The following GPR39 variants were observed in gnomAD, a reference collection of about 807,000 sequenced individuals.
GPR39 encodes zinc sensing receptor.
A neutral mutation model predicts 18.4 loss-of-function variants in GPR39; 23 were observed. The observed-to-expected ratio is 1.25, with a 90% CI of 0.90 to 1.77. The LOEUF is 1.77. Ranked by LOEUF, GPR39 falls within the 40% of genes most tolerant of loss-of-function variation. GPR39 has a pLI of 0.00. For missense variants in GPR39, 647 were observed against 602.4 expected (o/e 1.07, Z -0.78); for synonymous variants, 280 against 257.9 (o/e 1.09, Z -0.82).
At chr2:132,437,674 T>G (rs1486127039) in intron 1 of GPR39, among the ~76,000 whole-genome samples, 1 of 152,198 alleles carries the variant, frequency 6.6e-6, no homozygotes, top group Non-Finnish European at 1.5e-5. Context: ...GAATAGACAT[T>G]ATGTACTGGG....
At chr2:132,425,089 G>A (rs1364597371) in intron 1 of GPR39, among the ~76,000 whole-genome samples, 1 of 152,126 alleles carries the variant, frequency 6.6e-6, no homozygotes, top group African/African-American at 2.4e-5. Flanking sequence ...GTTCTTCAAC[G>A]ACAATCTCCA....
At chr2:132,593,841 G>A (rs540339484) in intron 1 of GPR39, among the ~76,000 whole-genome samples, 3 of 152,206 alleles carry the variant, frequency 2.0e-5, no homozygotes, top group Non-Finnish European at 2.9e-5. Flanking sequence ...GAGACCTTGT[G>A]GCACTGGAGG....
At chr2:132,533,929 T>C (rs1001296286) in intron 1 of GPR39, among the ~76,000 whole-genome samples, 1 of 152,198 alleles carries the variant, frequency 6.6e-6, no homozygotes, top group Non-Finnish European at 1.5e-5. Context: ...GACATAGGCA[T>C]GGGCAAGGAC....
rs747688013 is a variant in GPR39, at chr2:132,417,110, T to A, written c.68T>A (p.Phe23Tyr). The change falls in exon 1 of 2, where the codon TTT (phenylalanine) becomes TAT (tyrosine). Residue 23 changes from phenylalanine (F) to tyrosine (Y), a missense_variant. Phe to Tyr is a conservative substitution (Grantham distance 22). This residue lies in a region of GPR39 where 61 missense variants were observed against 79.2 expected (regional missense o/e 0.77). Transcript: ENST00000329321. ...QIIDHSHVPE[F>Y]EVATWIKITL... is the part of the protein sequence containing the mutation. ...ATTGATCACAGTCATGTCCCCGAGT[T>A]TGAGGTGGCCACCTGGATCAAAATC... 3.1e-6 allele frequency: 5 copies of A among 1,614,060 alleles called. No individual in the cohort carries two copies. In the East Asian group the frequency reaches 1.1e-4, roughly 36 times the overall value.
chr2:132,481,391 G>A (rs1681230568), intron 1 of GPR39, among the ~76,000 whole-genome samples: 1 of 152,120 alleles, frequency 6.6e-6, no homozygotes, highest in Admixed American at 6.5e-5. Flanking sequence ...GGCATGGATT[G>A]GTCTACAAAG....
intron 1 of GPR39, 42 bp downstream of exon 1, chr2:132,417,940 C>A: frequency 2.0e-6 from 3 of 1,535,126 alleles, no homozygotes; most frequent in Non-Finnish European, 2.6e-6. Context: ...AGCTTCCCAA[C>A]CTTCCCCCAC....
chr2:132,476,497 G>A (rs4378855), intron 1 of GPR39, among the ~76,000 whole-genome samples: 117,922 of 150,808 alleles, frequency 0.78, 46,247 homozygotes, highest in East Asian at 0.88. Context: ...TTAGCTGGGC[G>A]TGGTGGTGGG....
At chr2:132,496,323 A>G (rs960423633) in intron 1 of GPR39, among the ~76,000 whole-genome samples, 2 of 152,124 alleles carry the variant, frequency 1.3e-5, no homozygotes, top group African/African-American at 4.8e-5. Context: ...TAAATTTCCT[A>G]TATGGAACCT....
chr2:132,621,199 G>A (rs555989151), intron 1 of GPR39, among the ~76,000 whole-genome samples: 16 of 152,282 alleles, frequency 1.1e-4, no homozygotes, highest in Middle Eastern at 3.4e-3. Context: ...AGCTGGACCT[G>A]GAAGATTTCC....
chr2:132,623,185 G>GA (rs995667472), intron 1 of GPR39, among the ~76,000 whole-genome samples: 33 of 151,192 alleles, frequency 2.2e-4, no homozygotes, highest in Non-Finnish European at 3.1e-4. Flanking sequence ...CCTTCAAAAG[G>GA]AAAAAAAAAG....
At chr2:132,505,570 A>G (rs1325115865) in intron 1 of GPR39, among the ~76,000 whole-genome samples, 1 of 152,076 alleles carries the variant, frequency 6.6e-6, no homozygotes, top group Non-Finnish European at 1.5e-5. Flanking sequence ...CACCCTTCCC[A>G]GCTCCTGGTA....
chr2:132,598,910 A>G (rs948375574), intron 1 of GPR39, among the ~76,000 whole-genome samples: 2 of 152,212 alleles, frequency 1.3e-5, no homozygotes, highest in African/African-American at 4.8e-5. Context: ...CATGGAGAGC[A>G]TCCAGGCACG....
intron 1 of GPR39, among the ~76,000 whole-genome samples, chr2:132,458,198 A>G (rs112634558): frequency 6.6e-6 from 1 of 151,948 alleles, no homozygotes; most frequent in Non-Finnish European, 1.5e-5. Context: ...TGCAGAAATC[A>G]CCTGTCTTCT....
In GPR39 at chr2:132,559,948, A is replaced by G. The variant is rs563755253; in HGVS notation, c.857-85153A>G. On this transcript the variant is annotated intron_variant, in intron 1 of 1. Coordinates refer to ENST00000329321, the MANE Select transcript of GPR39 (RefSeq NM_001508.3). ...ATGGAGCATGGAGCTAGGAGTAAAA[A>G]TGGGGGCTGGGTGGAGGAAGGGGAG... Among the ~76,000 whole-genome samples the G allele has an allele frequency of 3.3e-5, 5 of 152,108 alleles. No individual in the cohort carries two copies. In the East Asian group the frequency reaches 9.7e-4, roughly 30 times the overall value.
chr2:132,579,422 G>A (rs56323987), intron 1 of GPR39, among the ~76,000 whole-genome samples: 7,656 of 152,162 alleles, frequency 0.05, 597 homozygotes, highest in African/African-American at 0.17. Flanking sequence ...AAAAGAAAGC[G>A]TATTTTTCTG....
intron 1 of GPR39, among the ~76,000 whole-genome samples, chr2:132,567,187 C>A (rs1457273557): frequency 6.6e-6 from 1 of 152,062 alleles, no homozygotes; most frequent in Admixed American, 6.5e-5. Flanking sequence ...CCGGGCATGG[C>A]GGCACATGCC....
chr2:132,518,524 T>C lies in GPR39; in HGVS notation c.856+100626T>C, dbSNP rs139366630. 6.2e-3 allele frequency among the ~76,000 whole-genome samples: 951 copies of C among 152,352 alleles called. 8 individuals are homozygous for C. Among genetic ancestry groups the C allele is most frequent in the African/African-American group, 0.022 (895 of 41,586 alleles). On this transcript the variant is annotated intron_variant, in intron 1 of 1. Transcript: ENST00000329321. ...TCTCATCCGCCCCGTTCATGGGCTC[T>C]GTGACAGCTCCGTTCCCTGGTGCAA...
At chr2:132,478,717 TAGTG>T (rs1454039512) in intron 1 of GPR39, among the ~76,000 whole-genome samples, 2 of 152,204 alleles carry the variant, frequency 1.3e-5, no homozygotes, top group Non-Finnish European at 2.9e-5. Flanking sequence ...AGCTACCACT[TAGTG>T]AGTAAAATGA....
chr2:132,536,901 C>G (rs751420653), intron 1 of GPR39, among the ~76,000 whole-genome samples: 7 of 151,804 alleles, frequency 4.6e-5, no homozygotes, highest in Non-Finnish European at 1.0e-4. Flanking sequence ...CCTGCTTTTT[C>G]TTTGCTTTCC....
Sources: gnomAD v4.1 joint callset for allele counts (sites outside exome capture counted in the v4.1 genomes callset) on GRCh38, gnomAD v4.1.1 for gene constraint, gnomAD v4.1.1 regional missense constraint, MANE v1.5 for transcripts, NCBI Gene and HGNC (gene_info 2026-07-23, HGNC 2026-07-21) for gene names.